Variants in STAT4 observed in about 807,000 individuals in gnomAD.
The protein encoded by STAT4 is signal transducer and activator of transcription 4.
A neutral mutation model predicts 110.5 loss-of-function variants in STAT4; 42 were observed. The ratio of observed to expected loss-of-function variants is 0.38; its 90% CI spans 0.30 to 0.49. The LOEUF (loss-of-function observed/expected upper bound fraction) is 0.49, where lower values mean the gene tolerates loss of function less well. Ranked by LOEUF, STAT4 falls within the 20% of genes least tolerant of loss-of-function variation. The pLI, the probability that STAT4 is intolerant of heterozygous loss-of-function variation, is 0.95. For missense variants in STAT4, 632 were observed against 887.9 expected (o/e 0.71, Z 3.66); for synonymous variants, 284 against 302.2 (o/e 0.94, Z 0.63).
At position 191,083,249 on chromosome 2, in the gene STAT4, G is replaced by A. The variant is rs569441269; in HGVS notation, c.274-6924C>T. 7.2e-5 allele frequency among the ~76,000 whole-genome samples: 11 copies of A among 152,358 alleles called. No individual in the cohort carries two copies. The highest frequency in any genetic ancestry group is 1.2e-4 in the Non-Finnish European group (8 of 68,032). On this transcript the variant is annotated intron_variant, in intron 3 of 23. Coordinates refer to ENST00000392320, the MANE Select transcript of STAT4 (RefSeq NM_003151.4). The surrounding 1 kb of genome is among the most constrained non-coding windows in gnomAD (Gnocchi z 4.6). ...TGAGACGAGGAAGAGAAGGGAGCCA[G>A]TAAGGGTGTGCTGTTAGCCATTTGC...
chr2:191,141,820 A>C (rs1699343984), intron 3 of STAT4, among the ~76,000 whole-genome samples: 1 of 151,754 alleles, frequency 6.6e-6, no homozygotes, highest in Non-Finnish European at 1.5e-5. Flanking sequence ...TAGTAGAGAC[A>C]GGGTTTTGCC....
rs2125222832 is a variant in STAT4, at chr2:191,059,131, C to T, written c.1035-362G>A. 6.6e-6 allele frequency among the ~76,000 whole-genome samples: 1 copy of T among 151,944 alleles called. No individual in the cohort carries two copies. Among genetic ancestry groups the T allele is most frequent in the South Asian group, 2.1e-4 (1 of 4,814 alleles). ...CAGATATAAAAAAATTCTTATATGG[C>T]TTCATTTTATCCTCATATTACAAAA... is the stretch of plus-strand genomic sequence containing the variant. On this transcript the variant is annotated intron_variant, in intron 10 of 23. Coordinates refer to ENST00000392320, the MANE Select transcript of STAT4 (RefSeq NM_003151.4). This position sits in a 1 kb window ranked among gnomAD's most constrained non-coding sequence, Gnocchi z 4.7.
At chr2:191,078,735 T>G (rs1181873723) in intron 3 of STAT4, among the ~76,000 whole-genome samples, 1 of 152,166 alleles carries the variant, frequency 6.6e-6, no homozygotes, top group Non-Finnish European at 1.5e-5. Flanking sequence ...TGTATCAGTT[T>G]CTCATGCAAA....
At chr2:191,108,566 G>A (rs1185333271) in intron 3 of STAT4, among the ~76,000 whole-genome samples, 2 of 152,158 alleles carry the variant, frequency 1.3e-5, no homozygotes, top group African/African-American at 4.8e-5. Context: ...AAAGGGACAG[G>A]TGAAACATTG....
intron 16 of STAT4, among the ~76,000 whole-genome samples, chr2:191,036,760 T>G (rs1014730943): frequency 6.6e-6 from 1 of 152,228 alleles, no homozygotes; most frequent in Non-Finnish European, 1.5e-5. Context: ...TACTCCTCAG[T>G]TGAATTCTTT....
At chr2:191,075,833 CTTTCTT>C (rs1482817405) in intron 4 of STAT4, among the ~76,000 whole-genome samples, 13 of 130,020 alleles carry the variant, frequency 1.0e-4, no homozygotes, top group African/African-American at 3.9e-4. Context: ...TCCTTTCTTT[CTTTCTT>C]TTTTTTTTTT....
intron 3 of STAT4, among the ~76,000 whole-genome samples, chr2:191,123,912 A>G (rs1476964797): frequency 1.3e-5 from 2 of 152,184 alleles, no homozygotes; most frequent in Admixed American, 6.5e-5. Flanking sequence ...GTACCATCAT[A>G]AAGTTGAAAA....
At chr2:191,034,974 C>T (rs1315461656) in intron 17 of STAT4, among the ~76,000 whole-genome samples, 1 of 152,106 alleles carries the variant, frequency 6.6e-6, no homozygotes, top group African/African-American at 2.4e-5. Context: ...GAAGAGCTGC[C>T]TAATGTCGGT....
chr2:191,044,598 G>A (rs1045237027), intron 14 of STAT4, among the ~76,000 whole-genome samples: 1 of 152,104 alleles, frequency 6.6e-6, no homozygotes. Context: ...GGAGAAGGGG[G>A]TGGGACTCCC....
rs549488539 is a variant in STAT4, at chr2:191,039,369, G to A, written c.1336-72C>T. On this transcript the variant is annotated intron_variant, in intron 15 of 23. Transcript: ENST00000392320. The surrounding 1 kb of genome is among the most constrained non-coding windows in gnomAD (Gnocchi z 4.7). ...TACATTGATCTTATGCTTGACCCTC[G>A]CCTCTAAAGGGCCAATCTCAAGCCA... 32 of 1,361,136 alleles carry A rather than the reference G, an allele frequency of 2.4e-5. No homozygotes were observed. In the East Asian group the frequency reaches 3.2e-4, roughly 14 times the overall value. The allele number at this position is 1,361,136 out of a possible 1,614,324, so 84.3% of individuals were successfully genotyped here.
chr2:191,042,903 C>T lies in STAT4; in HGVS notation c.1252-1755G>A, dbSNP rs1281590814. The stretch of plus-strand genomic sequence containing the variant: ...CAAGTGATTCTCCTGCCTCAGCCTT[C>T]TGAGTAGCTGGGATTACAGGCATGC... On this transcript the variant is annotated intron_variant, in intron 14 of 23. Coordinates refer to ENST00000392320, the MANE Select transcript of STAT4 (RefSeq NM_003151.4). This position sits in a 1 kb window ranked among gnomAD's most constrained non-coding sequence, Gnocchi z 4.2. 6.6e-6 allele frequency among the ~76,000 whole-genome samples: 1 copy of T among 151,960 alleles called. No homozygotes were observed. The highest frequency in any genetic ancestry group is 1.5e-5 in the Non-Finnish European group (1 of 68,020).
At position 191,094,065 on chromosome 2, in the gene STAT4, G is replaced by T. The variant is rs935463801; in HGVS notation, c.274-17740C>A. 3.9e-5 allele frequency among the ~76,000 whole-genome samples: 6 copies of T among 152,244 alleles called. No individual in the cohort carries two copies. The South Asian group carries it at 1.0e-3, about 26-fold the overall frequency. On this transcript the variant is annotated intron_variant, in intron 3 of 23. Coordinates refer to ENST00000392320, the MANE Select transcript of STAT4 (RefSeq NM_003151.4). ...AAAAGAGTAAAAAGAAAAGAACAAA[G>T]CCTCCAAGAAATATGGGACTATGTG...
chr2:191,116,948 G>C lies in STAT4; in HGVS notation c.273+29665C>G, dbSNP rs543710564. On this transcript the variant is annotated intron_variant, in intron 3 of 23. Transcript: ENST00000392320. This position sits in a 1 kb window ranked among gnomAD's most constrained non-coding sequence, Gnocchi z 4.1. Reference sequence around the variant, plus strand: ...ATATCCCTCCCGTTGGAGTGGCAAAGAATAATGAAATATACGTGAGATCTC... The same window carrying C: ...ATATCCCTCCCGTTGGAGTGGCAAACAATAATGAAATATACGTGAGATCTC... 6.6e-6 allele frequency among the ~76,000 whole-genome samples: 1 copy of C among 152,264 alleles called. No individual in the cohort carries two copies. The highest frequency in any genetic ancestry group is 2.1e-4 in the South Asian group (1 of 4,830).
intron 15 of STAT4, 51 bp downstream of exon 15, chr2:191,041,014 C>T: frequency 8.1e-7 from 1 of 1,233,748 alleles, no homozygotes; most frequent in Non-Finnish European, 1.1e-6. Flanking sequence ...TAATGCTGAC[C>T]AATTCTTGCA....
At chr2:191,151,040 A>G, upstream of STAT4, 1 of 985,518 alleles carries the variant, frequency 1.0e-6, no homozygotes, top group Non-Finnish European at 1.2e-6. The surrounding 1 kb of genome is among the most constrained non-coding windows in gnomAD (Gnocchi z 4.7). Context: ...TGACGCCATC[A>G]TCAGTAGGGG....
At chr2:191,128,711 A>C (rs1698951068) in intron 3 of STAT4, among the ~76,000 whole-genome samples, 1 of 152,144 alleles carries the variant, frequency 6.6e-6, no homozygotes, top group Non-Finnish European at 1.5e-5. Flanking sequence ...ATGCCCCCTC[A>C]CTCACTGAGT....
intron 3 of STAT4, among the ~76,000 whole-genome samples, chr2:191,087,835 G>A (rs905012197): frequency 6.6e-5 from 10 of 151,806 alleles, no homozygotes; most frequent in African/African-American, 2.4e-4. Context: ...GTTTTAAAAA[G>A]CAATTGACTT....
At chr2:191,119,714 A>G (rs936212505) in intron 3 of STAT4, among the ~76,000 whole-genome samples, 1 of 152,218 alleles carries the variant, frequency 6.6e-6, no homozygotes, top group Non-Finnish European at 1.5e-5. Context: ...ATCAAGAAAA[A>G]TCGAGGCAAT....
rs186901732 is a variant in STAT4 at position 191,043,375 on chromosome 2, A to C, written c.1252-2227T>G. On this transcript the variant is annotated intron_variant, in intron 14 of 23. Coordinates refer to ENST00000392320, the MANE Select transcript of STAT4 (RefSeq NM_003151.4). This position sits in a 1 kb window ranked among gnomAD's most constrained non-coding sequence, Gnocchi z 4.8. ...GAATTAATATATGAACTGCAGCAACAAACTAACACAAGTTCTGGAAAGAGA... is the reference window on the plus strand; with the variant it reads ...GAATTAATATATGAACTGCAGCAACCAACTAACACAAGTTCTGGAAAGAGA... 1.6e-3 allele frequency among the ~76,000 whole-genome samples: 250 copies of C among 152,358 alleles called. 1 individual carries two copies. Among genetic ancestry groups the C allele is most frequent in the Non-Finnish European group, 5.0e-4 (34 of 68,028 alleles).
Sources: gnomAD v4.1 joint callset for allele counts (sites outside exome capture counted in the v4.1 genomes callset) on GRCh38, gnomAD v4.1.1 for gene constraint, Gnocchi (gnomAD v3.1) non-coding constraint, MANE v1.5 for transcripts, NCBI Gene and HGNC (gene_info 2026-07-23, HGNC 2026-07-21) for gene names.